GRID2: variants seen among roughly 807,000 people sequenced by gnomAD.
The protein encoded by GRID2 is glutamate ionotropic receptor delta type subunit 2, also known as glutamate receptor ionotropic, delta-2.
GRID2 carries 33 observed loss-of-function variants against 114.8 expected under a neutral mutation model. The observed-to-expected ratio is 0.29, with a 90% CI of 0.22 to 0.38. GRID2 has a LOEUF of 0.38. GRID2 is among the 10% of genes least tolerant of loss of function. The pLI is 1.00. For synonymous variants in GRID2, 505 were observed against 449.9 expected (o/e 1.12, Z -1.55); for missense variants, 1,184 against 1,257.7 (o/e 0.94, Z 0.89).
chr4:92,618,918 A>G (rs1360757767), intron 2 of GRID2, among the ~76,000 whole-genome samples: 2 of 151,650 alleles, frequency 1.3e-5, no homozygotes, highest in Non-Finnish European at 2.9e-5. Flanking sequence ...CAGTTCTGAG[A>G]GATTTTGTGT....
chr4:93,409,110 G>A (rs1404774504), intron 9 of GRID2, among the ~76,000 whole-genome samples: 2 of 152,110 alleles, frequency 1.3e-5, no homozygotes, highest in Non-Finnish European at 2.9e-5. Context: ...TAATACCATT[G>A]GGAGGAAAAC....
chr4:92,899,185 T>C (rs1747385140), intron 2 of GRID2, among the ~76,000 whole-genome samples: 1 of 152,138 alleles, frequency 6.6e-6, no homozygotes, highest in African/African-American at 2.4e-5. Flanking sequence ...ATTTATACTT[T>C]ATATAATCTA....
chr4:93,529,773 G>A (rs1275756901), intron 13 of GRID2, among the ~76,000 whole-genome samples: 1 of 152,096 alleles, frequency 6.6e-6, no homozygotes, highest in Non-Finnish European at 1.5e-5. Flanking sequence ...GGTTAAGTGA[G>A]GGGCATATCA....
chr4:93,658,992 A>G (rs1426646100), intron 14 of GRID2, among the ~76,000 whole-genome samples: 1 of 152,076 alleles, frequency 6.6e-6, no homozygotes, highest in Non-Finnish European at 1.5e-5. Context: ...TGGAGCAAGC[A>G]TTTGAACGGA....
At position 93,385,082 on chromosome 4, in the gene GRID2, T is replaced by G. The variant is rs1364683330; in HGVS notation, c.1246-10525T>G. ...TTGATAAAAATACTCAGAGGCATACTTCCTCATCTGATGATTCATAGTTAC... is the reference window on the plus strand; with the variant it reads ...TTGATAAAAATACTCAGAGGCATACGTCCTCATCTGATGATTCATAGTTAC... On this transcript the variant is annotated intron_variant, in intron 8 of 15. Coordinates refer to ENST00000282020, the MANE Select transcript of GRID2 (RefSeq NM_001510.4). Among the ~76,000 whole-genome samples the G allele has an allele frequency of 3.3e-5, 5 of 152,314 alleles. No homozygotes were observed. The South Asian group carries it at 6.2e-4, about 19-fold the overall frequency.
At chr4:92,708,952 A>G (rs1048762832) in intron 2 of GRID2, among the ~76,000 whole-genome samples, 3 of 152,048 alleles carry the variant, frequency 2.0e-5, no homozygotes, top group African/African-American at 4.8e-5. Context: ...TATTTTGTGT[A>G]TCTGAATTGT....
intron 13 of GRID2, among the ~76,000 whole-genome samples, chr4:93,599,710 C>A (rs768901654): frequency 6.6e-6 from 1 of 152,130 alleles, no homozygotes; most frequent in Non-Finnish European, 1.5e-5. Flanking sequence ...AGAGATATGA[C>A]CCTTGAGAGA....
intron 2 of GRID2, among the ~76,000 whole-genome samples, chr4:92,682,969 T>G (rs1466262660): frequency 1.3e-5 from 2 of 152,162 alleles, no homozygotes; most frequent in Non-Finnish European, 2.9e-5. Context: ...AAATTGGTTC[T>G]GTTACATTCT....
chr4:92,792,470 C>CAT (rs1350158624), intron 2 of GRID2, among the ~76,000 whole-genome samples: 1 of 147,772 alleles, frequency 6.8e-6, no homozygotes, highest in Non-Finnish European at 1.5e-5. Flanking sequence ...CACACACACA[C>CAT]ACACACACAC....
intron 14 of GRID2, among the ~76,000 whole-genome samples, chr4:93,676,141 G>A (rs145528062): frequency 2.7e-4 from 41 of 152,328 alleles, no homozygotes; most frequent in African/African-American, 9.4e-4. Context: ...CAGTTAGATA[G>A]ACCAATGGAA....
chr4:92,575,947 C>T (rs1727869329), intron 1 of GRID2, among the ~76,000 whole-genome samples: 1 of 152,162 alleles, frequency 6.6e-6, no homozygotes, highest in Admixed American at 6.5e-5. Context: ...GGATCAGGGT[C>T]CCCCTTAAAG....
chr4:92,557,630 C>CATATAT (rs10638716), intron 1 of GRID2, among the ~76,000 whole-genome samples: 164 of 145,670 alleles, frequency 1.1e-3, no homozygotes, highest in African/African-American at 3.2e-3. Context: ...TACTTCACTG[C>CATATAT]ATATATATAT....
chr4:93,407,802 C>G (rs1393544674), intron 9 of GRID2, among the ~76,000 whole-genome samples: 1 of 125,790 alleles, frequency 7.9e-6, no homozygotes, highest in Admixed American at 7.9e-5. Context: ...CCTCCTCGTC[C>G]TCCTCCTCTT....
At chr4:92,427,753 C>G (rs908004445) in intron 1 of GRID2, among the ~76,000 whole-genome samples, 2 of 150,410 alleles carry the variant, frequency 1.3e-5, no homozygotes, top group Middle Eastern at 3.2e-3. Context: ...TATAATAAGC[C>G]CAACACAGTA....
intron 2 of GRID2, among the ~76,000 whole-genome samples, chr4:92,713,321 A>C (rs1735353437): frequency 6.6e-6 from 1 of 151,544 alleles, no homozygotes; most frequent in Admixed American, 6.6e-5. Flanking sequence ...GGAATATAGT[A>C]AACTTATGTT....
At chr4:92,789,039 A>T (rs780011620) in intron 2 of GRID2, among the ~76,000 whole-genome samples, 1 of 151,868 alleles carries the variant, frequency 6.6e-6, no homozygotes, top group Non-Finnish European at 1.5e-5. Flanking sequence ...TGTATTATTT[A>T]CTTAAAAGAT....
intron 1 of GRID2, among the ~76,000 whole-genome samples, chr4:92,383,568 G>A (rs1056799318): frequency 2.0e-5 from 3 of 151,780 alleles, no homozygotes; most frequent in Admixed American, 6.6e-5. Context: ...AAAGATAATG[G>A]GACTAGTTTT....
chr4:92,917,762 A>G (rs923326111), intron 2 of GRID2, among the ~76,000 whole-genome samples: 2 of 152,072 alleles, frequency 1.3e-5, no homozygotes, highest in African/African-American at 2.4e-5. Flanking sequence ...CCCTTGTAGT[A>G]TAGTTTGAAG....
intron 2 of GRID2, among the ~76,000 whole-genome samples, chr4:92,659,594 T>C (rs555350486): frequency 2.0e-5 from 3 of 151,566 alleles, no homozygotes; most frequent in Non-Finnish European, 4.4e-5. Flanking sequence ...ATTTTTGTTT[T>C]CTAAGATGTA....
Sources: allele counts gnomAD v4.1 joint callset (sites outside exome capture counted in the v4.1 genomes callset), GRCh38; gene constraint gnomAD v4.1.1; transcripts MANE v1.5; gene names NCBI Gene and HGNC (gene_info 2026-07-23, HGNC 2026-07-21).